Variants in PLD1 observed in about 807,000 individuals in gnomAD.
PLD1 encodes the protein phospholipase D1.
In PLD1, 112 loss-of-function variants were observed where a neutral mutation model predicts 137.1. That is an observed-to-expected ratio of 0.82 (90% CI 0.70 to 0.96). The LOEUF (loss-of-function observed/expected upper bound fraction) is 0.96. Among genes scored for constraint, PLD1 ranks in the 40% least tolerant of loss-of-function variants. The pLI, the probability that PLD1 is intolerant of heterozygous loss-of-function variation, is 0.00. For missense variants in PLD1, 1,321 were observed against 1,342.0 expected (o/e 0.98, Z 0.24); for synonymous variants, 431 against 454.7 (o/e 0.95, Z 0.66).
chr3:171,757,504 C>T (rs944270119), intron 1 of PLD1, among the ~76,000 whole-genome samples: 20 of 152,234 alleles, frequency 1.3e-4, no homozygotes, highest in African/African-American at 4.3e-4. Flanking sequence ...GGAAAAGACA[C>T]GGGATGCAAA....
At chr3:171,671,543 T>G (rs888160001) in intron 19 of PLD1, among the ~76,000 whole-genome samples, 7 of 152,216 alleles carry the variant, frequency 4.6e-5, no homozygotes, top group African/African-American at 1.7e-4. Context: ...GCCTCTTCAC[T>G]TGTCCCCTTG....
chr3:171,735,915 G>T (rs535977725), intron 3 of PLD1, among the ~76,000 whole-genome samples: 2 of 152,000 alleles, frequency 1.3e-5, no homozygotes, highest in African/African-American at 4.8e-5. Context: ...ATGCATCCAC[G>T]CACACACACA....
chr3:171,759,361 G>A, intron 1 of PLD1, among the ~76,000 whole-genome samples: 1 of 152,152 alleles, frequency 6.6e-6, no homozygotes, highest in East Asian at 1.9e-4. Context: ...AGATACTGAA[G>A]ATACTAATTA....
At chr3:171,685,010 G>A (rs56018519) in intron 16 of PLD1, among the ~76,000 whole-genome samples, 2,154 of 152,330 alleles carry the variant, frequency 0.014, 51 homozygotes, top group African/African-American at 0.045. Flanking sequence ...AAAATGCAGC[G>A]TAGCTGGACC....
chr3:171,746,257 G>A (rs1882255), intron 1 of PLD1, among the ~76,000 whole-genome samples: 40,869 of 152,168 alleles, frequency 0.27, 5,914 homozygotes, highest in Admixed American at 0.32. Flanking sequence ...GAGCTGAGGA[G>A]TGCAGGCTCG....
chr3:171,689,548 T>C (rs1388771511), intron 13 of PLD1, among the ~76,000 whole-genome samples: 1 of 152,122 alleles, frequency 6.6e-6, no homozygotes, highest in South Asian at 2.1e-4. Context: ...TCACTGAGGC[T>C]GGAGTGTAGA....
chr3:171,608,038 G>A (rs966473464), intron 25 of PLD1, among the ~76,000 whole-genome samples: 9 of 152,120 alleles, frequency 5.9e-5, no homozygotes, highest in African/African-American at 2.2e-4. Flanking sequence ...TAAAATTGAC[G>A]CAATGTTTTT....
At chr3:171,647,535 C>T (rs113266109) in intron 21 of PLD1, among the ~76,000 whole-genome samples, 1 of 151,520 alleles carries the variant, frequency 6.6e-6, no homozygotes, top group African/African-American at 2.4e-5. Context: ...CTGCAACCTC[C>T]GCCTCCCAGG....
chr3:171,632,754 T>C (rs982437576), intron 23 of PLD1, among the ~76,000 whole-genome samples: 2 of 152,222 alleles, frequency 1.3e-5, no homozygotes, highest in Non-Finnish European at 2.9e-5. Flanking sequence ...CAAAATTAAT[T>C]TTTTTAAGAT....
rs1731890233 is a variant in PLD1 at position 171,602,408 on chromosome 3, C to T, written c.*670G>A. ...CTCTGTCTCAATATTGGAATTTATT[C>T]CTTCCTGTTGCTTAGTGGTGTCAAG... On this transcript the variant is annotated 3_prime_UTR_variant, in exon 27 of 27. Coordinates refer to ENST00000351298, the MANE Select transcript of PLD1 (RefSeq NM_002662.5). The T allele has an allele frequency of 6.6e-6, 1 of 152,286 alleles. No homozygotes were observed. The highest frequency in any genetic ancestry group is 2.4e-5 in the African/African-American group (1 of 41,442). 9.4% of individuals were successfully genotyped at this position (152,286 alleles called of 1,614,324 possible). A position where few individuals can be genotyped will look rare whatever the true frequency, so the allele number is the denominator to read the frequency against.
At chr3:171,747,945 T>C (rs1376438892) in intron 1 of PLD1, among the ~76,000 whole-genome samples, 1 of 152,232 alleles carries the variant, frequency 6.6e-6, no homozygotes, top group Non-Finnish European at 1.5e-5. Flanking sequence ...AATTAAAATA[T>C]CTGTTTTACA....
intron 11 of PLD1, among the ~76,000 whole-genome samples, chr3:171,702,167 A>C (rs1036837654): frequency 6.6e-6 from 1 of 152,186 alleles, no homozygotes; most frequent in Admixed American, 6.5e-5. Context: ...AAAATTTGTG[A>C]ACTTCTAGCA....
At chr3:171,627,038 G>T (rs1449992540) in intron 23 of PLD1, among the ~76,000 whole-genome samples, 3 of 151,958 alleles carry the variant, frequency 2.0e-5, no homozygotes, top group East Asian at 3.9e-4. Context: ...TGGACTAAAT[G>T]CTCCAATTAA....
chr3:171,603,568 A>T (rs1467957196), intron 26 of PLD1, among the ~76,000 whole-genome samples: 1 of 151,972 alleles, frequency 6.6e-6, no homozygotes, highest in Non-Finnish European at 1.5e-5. Flanking sequence ...ATTAAGGTTA[A>T]TTTTTTTTGG....
intron 14 of PLD1, 103 bp downstream of exon 14, chr3:171,688,573 G>C: frequency 1.1e-6 from 1 of 917,796 alleles, no homozygotes; most frequent in Non-Finnish European, 1.7e-6. Context: ...CCTCCAAGGA[G>C]ACACCATCTC....
At chr3:171,755,428 A>G (rs1462887446) in intron 1 of PLD1, among the ~76,000 whole-genome samples, 1 of 152,144 alleles carries the variant, frequency 6.6e-6, no homozygotes, top group Non-Finnish European at 1.5e-5. Context: ...CCTTGACTGC[A>G]TCCTTCTTGA....
intron 1 of PLD1, among the ~76,000 whole-genome samples, chr3:171,738,316 A>G (rs915553928): frequency 6.6e-6 from 1 of 151,094 alleles, no homozygotes; most frequent in African/African-American, 2.4e-5. Context: ...AAAAAAAAGA[A>G]AAAAAAAAGC....
At chr3:171,762,006 A>C (rs1721430073) in intron 1 of PLD1, among the ~76,000 whole-genome samples, 1 of 152,228 alleles carries the variant, frequency 6.6e-6, no homozygotes, top group African/African-American at 2.4e-5. Flanking sequence ...ATCAGCATTC[A>C]TTTGAACACT....
At chr3:171,753,308 C>T (rs879943816) in intron 1 of PLD1, among the ~76,000 whole-genome samples, 1 of 152,182 alleles carries the variant, frequency 6.6e-6, no homozygotes, top group African/African-American at 2.4e-5. Flanking sequence ...GGGTCAGAAG[C>T]ACATGGGTTG....
Sources: gnomAD v4.1 joint callset for allele counts (sites outside exome capture counted in the v4.1 genomes callset) on GRCh38, gnomAD v4.1.1 for gene constraint, MANE v1.5 for transcripts, NCBI Gene and HGNC (gene_info 2026-07-23, HGNC 2026-07-21) for gene names.